NTM: variants seen among roughly 807,000 people sequenced by gnomAD.
NTM encodes the protein IgLON family member 2.
Under a neutral mutation model 42.1 loss-of-function variants are expected in NTM, and 13 were observed. The ratio of observed to expected loss-of-function variants is 0.31; its 90% CI spans 0.20 to 0.49. The LOEUF is 0.49. Ranked by LOEUF, NTM falls within the 20% of genes least tolerant of loss-of-function variation. The pLI is 0.99. For synonymous variants in NTM, 187 were observed against 179.2 expected, an observed-to-expected ratio of 1.04 and a Z score of -0.35; for missense variants, 373 against 452.8, an observed-to-expected ratio of 0.82 and a Z score of 1.60.
intron 1 of NTM, among the ~76,000 whole-genome samples, chr11:131,677,691 A>G (rs1391984066): frequency 2.6e-5 from 4 of 152,200 alleles, no homozygotes; most frequent in African/African-American, 9.7e-5. Flanking sequence ...GAACCCAGAA[A>G]GTTCCTATGA....
chr11:131,795,662 C>A, intron 1 of NTM: 1 of 985,364 alleles, frequency 1.0e-6, no homozygotes, highest in South Asian at 4.7e-5. Flanking sequence ...GTGCCAGTGC[C>A]CATAAGTTCA....
chr11:132,111,248 G>A (rs1288635422), intron 2 of NTM, among the ~76,000 whole-genome samples: 1 of 150,986 alleles, frequency 6.6e-6, no homozygotes, highest in Non-Finnish European at 1.5e-5. Flanking sequence ...GTACGTTTGT[G>A]TTGTGTGTGT....
At chr11:131,391,757 C>T (rs1321629584) in intron 1 of NTM, among the ~76,000 whole-genome samples, 1 of 151,662 alleles carries the variant, frequency 6.6e-6, no homozygotes, top group Non-Finnish European at 1.5e-5. Flanking sequence ...CATTTCTACA[C>T]CCGTGACAGG....
chr11:132,211,944 T>C, intron 3 of NTM, 78 bp from the exon 4 acceptor site: 5 of 1,472,540 alleles, frequency 3.4e-6, no homozygotes, highest in Non-Finnish European at 4.6e-6. Context: ...CTCTGGACTG[T>C]TCTGCCAACT....
intron 1 of NTM, among the ~76,000 whole-genome samples, chr11:131,665,229 C>T (rs1420322062): frequency 6.6e-6 from 1 of 152,196 alleles, no homozygotes; most frequent in Non-Finnish European, 1.5e-5. Flanking sequence ...TTTGCCCAGC[C>T]ATTCAGAATG....
At chr11:131,428,596 C>T (rs1565491138) in intron 1 of NTM, among the ~76,000 whole-genome samples, 1 of 152,134 alleles carries the variant, frequency 6.6e-6, no homozygotes, top group Non-Finnish European at 1.5e-5. Context: ...GTGTGTGACA[C>T]ATCTGTCTTC....
At chr11:132,147,988 A>G (rs554506945) in intron 3 of NTM, among the ~76,000 whole-genome samples, 1 of 152,178 alleles carries the variant, frequency 6.6e-6, no homozygotes, top group Admixed American at 6.5e-5. Flanking sequence ...AGGAGGACAC[A>G]TGAGAACAAG....
chr11:131,787,535 A>G (rs1379365761), intron 1 of NTM, among the ~76,000 whole-genome samples: 1 of 151,878 alleles, frequency 6.6e-6, no homozygotes, highest in Non-Finnish European at 1.5e-5. Context: ...ACAGGCACGC[A>G]GCACCATGCC....
rs1015390857 is a variant in NTM at position 132,330,185 on chromosome 11, G to A, written c.967G>A (p.Gly323Ser). ...VKTTALTPWKGPGAVSEVSNG... is the reference protein window; with the variant it reads ...VKTTALTPWKSPGAVSEVSNG... ...AACTACAGCCCTGACCCCTTGGAAA[G>A]GTTTGTATATTTTTCAGACAGCTGC... Residue 323 changes from glycine (G) to serine (S), a missense_variant and splice_region_variant, in exon 8 of 9, where the codon GGT becomes AGT. Gly to Ser is a moderately conservative substitution (Grantham distance 56). Around this residue, in one of 3 missense-constraint regions of NTM, gnomAD observed 312 missense variants for 353.5 expected, o/e 0.88. Coordinates refer to ENST00000683400, the MANE Select transcript of NTM (RefSeq NM_001352005.2). 3 of 1,551,700 alleles carry A rather than the reference G, an allele frequency of 1.9e-6. No homozygotes were observed. The highest frequency in any genetic ancestry group is 3.9e-5 in the Admixed American group (2 of 50,962).
At chr11:132,082,473 G>A (rs144668367) in intron 2 of NTM, among the ~76,000 whole-genome samples, 7,494 of 151,990 alleles carry the variant, frequency 0.049, 271 homozygotes, top group Admixed American at 0.11. Context: ...AAATCAATGC[G>A]TACTCCATAT....
chr11:132,320,574 T>G (rs954636595), intron 7 of NTM, among the ~76,000 whole-genome samples: 1 of 152,238 alleles, frequency 6.6e-6, no homozygotes, highest in East Asian at 1.9e-4. Context: ...GACATCAAAC[T>G]GCAAGGTGGC....
At chr11:131,722,155 T>C (rs764545710) in intron 1 of NTM, among the ~76,000 whole-genome samples, 10 of 151,992 alleles carry the variant, frequency 6.6e-5, no homozygotes, top group African/African-American at 9.7e-5. Flanking sequence ...CACATGCAAA[T>C]ATCATTATAA....
At chr11:131,467,203 G>C (rs1367310394) in intron 1 of NTM, among the ~76,000 whole-genome samples, 5 of 152,184 alleles carry the variant, frequency 3.3e-5, no homozygotes, top group Admixed American at 2.0e-4. Context: ...AAAAAGGTGG[G>C]GACAGATGGG....
At position 132,002,874 on chromosome 11, in the gene NTM, C is replaced by A; in HGVS notation, c.167+91226C>A. On this transcript the variant is annotated intron_variant, in intron 2 of 8. Coordinates refer to ENST00000683400, the MANE Select transcript of NTM (RefSeq NM_001352005.2). This position sits in a 1 kb window ranked among gnomAD's most constrained non-coding sequence, Gnocchi z 4.5. ...TAGAACAAAGCCTGCACATAGCAAGCTCTTAGCCAATGTTAGCAGCCATTA... is the reference window on the plus strand; with the variant it reads ...TAGAACAAAGCCTGCACATAGCAAGATCTTAGCCAATGTTAGCAGCCATTA... 6.8e-6 allele frequency among the ~76,000 whole-genome samples: 1 copy of A among 148,006 alleles called. No individual in the cohort carries two copies. The highest frequency in any genetic ancestry group is 1.9e-4 in the East Asian group (1 of 5,194).
At chr11:131,613,572 A>G (rs532591299) in intron 1 of NTM, among the ~76,000 whole-genome samples, 155 of 152,262 alleles carry the variant, frequency 1.0e-3, no homozygotes, top group African/African-American at 3.6e-3. Flanking sequence ...TAAATCTACT[A>G]TGACTCAAGT....
intron 8 of NTM, among the ~76,000 whole-genome samples, chr11:132,333,191 C>T (rs559204902): frequency 4.6e-5 from 7 of 152,246 alleles, no homozygotes; most frequent in East Asian, 1.9e-4. Context: ...GCAAAACATT[C>T]GACCTGGCTT....
intron 1 of NTM, among the ~76,000 whole-genome samples, chr11:131,667,130 T>C (rs1158814284): frequency 6.6e-6 from 1 of 152,206 alleles, no homozygotes; most frequent in African/African-American, 2.4e-5. Flanking sequence ...ATCCCACCTC[T>C]GTGCCCTACC....
intron 3 of NTM, among the ~76,000 whole-genome samples, chr11:132,207,677 G>T (rs968104111): frequency 6.6e-6 from 1 of 152,078 alleles, no homozygotes; most frequent in Non-Finnish European, 1.5e-5. Flanking sequence ...TAACAGTTGT[G>T]CCTGGCCACA....
At chr11:132,062,308 G>A (rs1790167) in intron 2 of NTM, among the ~76,000 whole-genome samples, 99,721 of 152,000 alleles carry the variant, frequency 0.66, 33,767 homozygotes, top group African/African-American at 0.79. Context: ...AATCATGCAA[G>A]CCAGAGCCAA....
Sources: allele counts gnomAD v4.1 joint callset (sites outside exome capture counted in the v4.1 genomes callset), GRCh38; gene constraint gnomAD v4.1.1; regional missense constraint gnomAD v4.1.1; non-coding constraint Gnocchi (gnomAD v3.1); transcripts MANE v1.5; gene names NCBI Gene and HGNC (gene_info 2026-07-23, HGNC 2026-07-21).